Variants in B4GALNT3 observed in about 807,000 individuals in gnomAD.
B4GALNT3 encodes beta-1,4-N-acetylgalactosaminyltransferase 3.
A neutral mutation model predicts 120.2 loss-of-function variants in B4GALNT3; 86 were observed. The ratio of observed to expected loss-of-function variants is 0.72; its 90% CI spans 0.60 to 0.86. The LOEUF (loss-of-function observed/expected upper bound fraction) is 0.86. Among genes scored for constraint, B4GALNT3 ranks in the 40% least tolerant of loss-of-function variants. The pLI is 0.00. For missense variants in B4GALNT3, 1,167 were observed against 1,298.9 expected, an observed-to-expected ratio of 0.90 and a Z score of 1.56; for synonymous variants, 518 against 510.4, an observed-to-expected ratio of 1.01 and a Z score of -0.20.
chr12:530,907 C>T (rs913522806), intron 1 of B4GALNT3, among the ~76,000 whole-genome samples: 3 of 152,076 alleles, frequency 2.0e-5, no homozygotes, highest in African/African-American at 4.8e-5. Flanking sequence ...ATGAGGCCCA[C>T]GGTGGTGCTT....
chr12:493,279 A>G (rs1042037464), intron 1 of B4GALNT3, among the ~76,000 whole-genome samples: 1 of 152,256 alleles, frequency 6.6e-6, no homozygotes, highest in Non-Finnish European at 1.5e-5. Context: ...ACAGTACCAA[A>G]GAAGATATAA....
At chr12:512,043 T>C (rs935866247) in intron 1 of B4GALNT3, among the ~76,000 whole-genome samples, 48 of 137,028 alleles carry the variant, frequency 3.5e-4, no homozygotes, top group Non-Finnish European at 6.2e-4. Flanking sequence ...ACCTTCTGCC[T>C]TCCACCTTCG....
intron 1 of B4GALNT3, among the ~76,000 whole-genome samples, chr12:522,878 A>T (rs1266190265): frequency 6.9e-6 from 1 of 145,310 alleles, no homozygotes; most frequent in African/African-American, 2.5e-5. Context: ...TCAAGGCTGC[A>T]GTGAGCCGAG....
At chr12:545,074 T>A in intron 5 of B4GALNT3, 102 bp downstream of exon 5, 1 of 1,487,326 alleles carries the variant, frequency 6.7e-7, no homozygotes, top group South Asian at 1.3e-5. Context: ...ACTAACTTCC[T>A]GTTAGTCCAC....
chr12:556,418 C>A, intron 14 of B4GALNT3, 129 bp from the exon 15 acceptor site: 3 of 863,862 alleles, frequency 3.5e-6, no homozygotes, highest in Non-Finnish European at 5.4e-6. Flanking sequence ...GGCCCTATAG[C>A]CAGCCAGTGG....
At position 512,942 on chromosome 12, in the gene B4GALNT3, A is replaced by AACTTCTT. The variant is rs1305273558; in HGVS notation, c.170-22224_170-22223insACTTCTT. ...TTCTGCCTTCCACCTTCCACCTTCCACCTTCTTCCACCTTCCACCTTCCAC... is the reference window on the plus strand; with the variant it reads ...TTCTGCCTTCCACCTTCCACCTTCCAACTTCTTCCTTCTTCCACCTTCCACCTTCCAC... On this transcript the variant is annotated intron_variant, in intron 1 of 19. Coordinates refer to ENST00000266383, the MANE Select transcript of B4GALNT3 (RefSeq NM_173593.4). Among the ~76,000 whole-genome samples, 535 of 99,188 alleles carry AACTTCTT rather than the reference A, an allele frequency of 5.4e-3. 6 individuals are homozygous for AACTTCTT. Among genetic ancestry groups the AACTTCTT allele is most frequent in the Middle Eastern group, 0.024 (2 of 84 alleles). The allele number at this position is 99,188 out of a possible 152,430, so 65.1% of individuals were successfully genotyped here.
At chr12:556,429 C>T in intron 14 of B4GALNT3, 118 bp from the exon 15 acceptor site, 1 of 1,012,298 alleles carries the variant, frequency 9.9e-7, no homozygotes, top group South Asian at 1.6e-5. Context: ...CAGCCAGTGG[C>T]AAAGCTAGGA....
chr12:484,853 G>A (rs12422837), intron 1 of B4GALNT3, among the ~76,000 whole-genome samples: 13,926 of 151,662 alleles, frequency 0.092, 1,098 homozygotes, highest in East Asian at 0.31. Flanking sequence ...ATTCCTCCCA[G>A]TAATGGTCCC....
intron 3 of B4GALNT3, among the ~76,000 whole-genome samples, chr12:541,843 C>A: frequency 1.7e-5 from 1 of 58,738 alleles, no homozygotes; most frequent in East Asian, 1.6e-3. Context: ...CCCCCCTCAC[C>A]CCCCCCCACC....
chr12:549,960 G>A, intron 10 of B4GALNT3, 48 bp downstream of exon 10: 2 of 1,551,654 alleles, frequency 1.3e-6, no homozygotes, highest in Non-Finnish European at 1.7e-6. Context: ...ACACTGCACT[G>A]CCAGGTCCAC....
chr12:486,321 C>T (rs555761598), intron 1 of B4GALNT3, among the ~76,000 whole-genome samples: 2 of 151,196 alleles, frequency 1.3e-5, no homozygotes, highest in South Asian at 4.2e-4. Context: ...GTGATTCTCC[C>T]ACCTCAGCCT....
intron 2 of B4GALNT3, among the ~76,000 whole-genome samples, chr12:535,741 C>T (rs376249852): frequency 1.3e-5 from 2 of 152,088 alleles, no homozygotes; most frequent in South Asian, 4.1e-4. Context: ...AACCAATGGT[C>T]CCTAAGGAGG....
rs559000861 is a variant in B4GALNT3, at chr12:550,428, G to A, written c.998-494G>A. 3.7e-4 allele frequency among the ~76,000 whole-genome samples: 56 copies of A among 152,256 alleles called. No homozygotes were observed. The highest frequency in any genetic ancestry group is 1.3e-3 in the African/African-American group (55 of 41,538). ...CGCTTGAGCCCAGGAGGTTGAGGCT[G>A]CAGTGAGCTGTGATTGAACCACTGC... On this transcript the variant is annotated intron_variant, in intron 10 of 19. Transcript: ENST00000266383. The surrounding 1 kb of genome is among the most constrained non-coding windows in gnomAD (Gnocchi z 4.1).
chr12:512,172 GCCTTCCGCCTTCCA>G (rs1233360994), intron 1 of B4GALNT3, among the ~76,000 whole-genome samples: 5 of 20,442 alleles, frequency 2.4e-4, no homozygotes, highest in African/African-American at 4.1e-4. Flanking sequence ...TCCACCTTCC[GCCTTCCGCCTTCCA>G]CCTTCCGCCT....
intron 19 of B4GALNT3, 87 bp from the exon 20 acceptor site, chr12:561,256 C>G: frequency 1.0e-6 from 1 of 980,184 alleles, no homozygotes; most frequent in Non-Finnish European, 1.6e-6. Context: ...CCGTGGGGAG[C>G]GAACAGAGGG....
At chr12:513,064 T>C (rs1328519590) in intron 1 of B4GALNT3, among the ~76,000 whole-genome samples, 2 of 142,606 alleles carry the variant, frequency 1.4e-5, no homozygotes, top group Non-Finnish European at 1.5e-5. Flanking sequence ...TCCACCTTCT[T>C]CCACCTTTGA....
intron 1 of B4GALNT3, among the ~76,000 whole-genome samples, chr12:511,010 ATTCTTTTTTTTTTTTTTTTT>A (rs1946542739): frequency 2.0e-5 from 1 of 49,114 alleles, no homozygotes; most frequent in African/African-American, 6.7e-5. Flanking sequence ...GGATTTGCCT[ATTCTTTTTTTTTTTTTTTTT>A]TTTTTTTTTT....
In B4GALNT3 at chr12:558,209, T is replaced by C; in HGVS notation, c.2607+121T>C. Reference sequence around the variant, plus strand: ...AGGACGGGAATGAGGACACAGGAGGTCCTCTCTGCTGTGCTGCAGGCCAGT... The same window carrying C: ...AGGACGGGAATGAGGACACAGGAGGCCCTCTCTGCTGTGCTGCAGGCCAGT... On this transcript the variant is annotated intron_variant, in intron 17 of 19. Coordinates refer to ENST00000266383, the MANE Select transcript of B4GALNT3 (RefSeq NM_173593.4). 4.6e-6 allele frequency: 5 copies of C among 1,098,356 alleles called. No homozygotes were observed. The South Asian group carries it at 6.9e-5, about 15-fold the overall frequency. 68.0% of individuals were successfully genotyped at this position (1,098,356 alleles called of 1,614,324 possible).
intron 1 of B4GALNT3, among the ~76,000 whole-genome samples, chr12:520,678 T>C (rs1305013347): frequency 1.5e-5 from 1 of 68,392 alleles, no homozygotes; most frequent in Non-Finnish European, 2.9e-5. Flanking sequence ...AGTAGGTATT[T>C]TGACAATTTT....
Sources: gnomAD v4.1 joint callset for allele counts (sites outside exome capture counted in the v4.1 genomes callset) on GRCh38, gnomAD v4.1.1 for gene constraint, Gnocchi (gnomAD v3.1) non-coding constraint, MANE v1.5 for transcripts, NCBI Gene and HGNC (gene_info 2026-07-23, HGNC 2026-07-21) for gene names.